NCKAP5: variants seen among roughly 807,000 people sequenced by gnomAD.
NCKAP5 encodes the protein NCK associated protein 5.
Under a neutral mutation model 167.0 loss-of-function variants are expected in NCKAP5, and 92 were observed. That is an observed-to-expected ratio of 0.55 (90% CI 0.47 to 0.66). The LOEUF is 0.66. NCKAP5 is among the 30% of genes least tolerant of loss of function. The pLI is 0.00. For synonymous variants in NCKAP5, 891 were observed against 877.4 expected (o/e 1.02, Z -0.27); for missense variants, 2,378 against 2,315.0 (o/e 1.03, Z -0.56).
chr2:132,888,418 G>A (rs1692424580), intron 8 of NCKAP5, among the ~76,000 whole-genome samples: 2 of 151,984 alleles, frequency 1.3e-5, no homozygotes, highest in South Asian at 4.2e-4. Flanking sequence ...TTGAGACAGG[G>A]TCTCTTGCCA....
chr2:133,343,603 T>A (rs1163593032), intron 3 of NCKAP5, among the ~76,000 whole-genome samples: 11 of 152,322 alleles, frequency 7.2e-5, no homozygotes, highest in Admixed American at 7.2e-4. Flanking sequence ...CATGCATCCA[T>A]CCATCCATTC....
chr2:133,512,390 A>T (rs376184214), intron 3 of NCKAP5, among the ~76,000 whole-genome samples: 3 of 152,330 alleles, frequency 2.0e-5, no homozygotes, highest in African/African-American at 7.2e-5. Flanking sequence ...GTAAAACAGG[A>T]CTTTCAAAAT....
At chr2:133,445,355 G>A (rs1171781040) in intron 3 of NCKAP5, among the ~76,000 whole-genome samples, 5 of 152,220 alleles carry the variant, frequency 3.3e-5, no homozygotes, top group South Asian at 2.1e-4. Flanking sequence ...GGCAAAATTG[G>A]TTTTTAAAAA....
chr2:133,389,058 G>A (rs1044180936), intron 3 of NCKAP5, among the ~76,000 whole-genome samples: 29 of 152,286 alleles, frequency 1.9e-4, no homozygotes, highest in African/African-American at 6.3e-4. Context: ...CCCACTGTCC[G>A]ACAAGCCCCA....
chr2:133,152,424 C>G (rs1435793560), intron 5 of NCKAP5, among the ~76,000 whole-genome samples: 1 of 152,152 alleles, frequency 6.6e-6, no homozygotes, highest in Non-Finnish European at 1.5e-5. Context: ...TACTTTACTC[C>G]TGTGAGATGT....
chr2:133,665,558 A>C, the NCKAP5 span, among the ~76,000 whole-genome samples: 3 of 152,350 alleles, frequency 2.0e-5, no homozygotes, highest in African/African-American at 7.2e-5. Context: ...CAGATCACCA[A>C]AGCAGATATA....
intron 3 of NCKAP5, among the ~76,000 whole-genome samples, chr2:133,417,145 T>C (rs1218979500): frequency 6.8e-6 from 1 of 147,826 alleles, no homozygotes. Flanking sequence ...AAAAAGGCAG[T>C]GTTTTGTTTG....
chr2:132,890,579 C>T (rs1278962813), intron 8 of NCKAP5, among the ~76,000 whole-genome samples: 1 of 152,104 alleles, frequency 6.6e-6, no homozygotes, highest in Non-Finnish European at 1.5e-5. Context: ...GCTAAGCGTG[C>T]CAGCCAGGTG....
the NCKAP5 span, among the ~76,000 whole-genome samples, chr2:133,634,470 G>A: frequency 6.6e-6 from 1 of 152,186 alleles, no homozygotes; most frequent in Non-Finnish European, 1.5e-5. Flanking sequence ...GTTTAGACCA[G>A]TCTTTCAATA....
intron 6 of NCKAP5, among the ~76,000 whole-genome samples, chr2:133,115,353 T>C (rs1050078098): frequency 6.6e-6 from 1 of 152,106 alleles, no homozygotes; most frequent in African/African-American, 2.4e-5. Context: ...CAACGATATT[T>C]TGTGGATTTC....
chr2:133,367,634 C>T (rs1389902017), intron 3 of NCKAP5, among the ~76,000 whole-genome samples: 1 of 152,000 alleles, frequency 6.6e-6, no homozygotes, highest in Non-Finnish European at 1.5e-5. Flanking sequence ...ATTCCAAATA[C>T]TTTGTATTTG....
chr2:133,113,650 G>C (rs2081985806), intron 6 of NCKAP5, among the ~76,000 whole-genome samples: 1 of 152,184 alleles, frequency 6.6e-6, no homozygotes, highest in African/African-American at 2.4e-5. Context: ...TGCTGAACCA[G>C]GAATTTGTTT....
intron 12 of NCKAP5, among the ~76,000 whole-genome samples, chr2:132,794,223 CATATATATATATATATATATAT>C (rs1166750939): frequency 2.4e-4 from 5 of 21,174 alleles, no homozygotes; most frequent in East Asian, 1.8e-3. Context: ...AATGTTTATA[CATATATATATATATATATATAT>C]ATATATATAT....
rs115362850 is a variant in NCKAP5 at position 133,244,758 on chromosome 2, C to G, written c.144-30979G>C. Among the ~76,000 whole-genome samples the G allele has an allele frequency of 3.7e-3, 559 of 152,084 alleles. 13 individuals are homozygous for G. The South Asian group carries it at 0.057, about 16-fold the overall frequency. On this transcript the variant is annotated intron_variant, in intron 4 of 19. Coordinates refer to ENST00000409261, the MANE Select transcript of NCKAP5 (RefSeq NM_207363.3). ...TATGATTATGGGTCAGTTGGACACC[C>G]ATATGAAGGAAAGTAACTCTTAATC... is the stretch of plus-strand genomic sequence containing the variant.
chr2:133,136,813 T>C (rs2082802742), intron 5 of NCKAP5, among the ~76,000 whole-genome samples: 1 of 152,202 alleles, frequency 6.6e-6, no homozygotes, highest in Admixed American at 6.5e-5. Context: ...AGCTACCAAC[T>C]AGAAAACGTG....
intron 6 of NCKAP5, among the ~76,000 whole-genome samples, chr2:133,067,444 C>A (rs561671672): frequency 3.8e-4 from 58 of 152,280 alleles, no homozygotes; most frequent in African/African-American, 1.3e-3. Flanking sequence ...GGAATGGATA[C>A]AATTGCTTAG....
chr2:133,039,341 T>G (rs1456971906), intron 6 of NCKAP5, among the ~76,000 whole-genome samples: 1 of 152,182 alleles, frequency 6.6e-6, no homozygotes, highest in Admixed American at 6.6e-5. Flanking sequence ...TGATGATATA[T>G]TGTAGAACAA....
At chr2:133,266,963 CG>C in intron 4 of NCKAP5, among the ~76,000 whole-genome samples, 2 of 152,100 alleles carry the variant, frequency 1.3e-5, no homozygotes, top group East Asian at 1.9e-4. Context: ...TCCCCTCCGC[CG>C]GGCCCCCCCA....
intron 3 of NCKAP5, among the ~76,000 whole-genome samples, chr2:133,494,800 C>T (rs1407967664): frequency 6.6e-6 from 1 of 152,168 alleles, no homozygotes; most frequent in Non-Finnish European, 1.5e-5. Flanking sequence ...AATTATTTTA[C>T]CCCAAAATAT....
Sources: gnomAD v4.1 joint callset for allele counts (sites outside exome capture counted in the v4.1 genomes callset) on GRCh38, gnomAD v4.1.1 for gene constraint, MANE v1.5 for transcripts, NCBI Gene and HGNC (gene_info 2026-07-23, HGNC 2026-07-21) for gene names.